TFEC: variants seen among roughly 807,000 people sequenced by gnomAD.
TFEC encodes class E basic helix-loop-helix protein 34.
In TFEC, 31 loss-of-function variants were observed where a neutral mutation model predicts 41.6. That is an observed-to-expected ratio of 0.74 (90% CI 0.56 to 1.01). The LOEUF (loss-of-function observed/expected upper bound fraction) is 1.01. Among genes scored for constraint, TFEC ranks in the 50% least tolerant of loss-of-function variants. The pLI is 0.00. For synonymous variants in TFEC, 143 were observed against 140.6 expected (o/e 1.02, Z -0.12); for missense variants, 402 against 404.1 (o/e 0.99, Z 0.04).
At chr7:116,072,512 G>C (rs1314770395) in intron 3 of TFEC, among the ~76,000 whole-genome samples, 1 of 151,590 alleles carries the variant, frequency 6.6e-6, no homozygotes, top group Admixed American at 6.6e-5. Flanking sequence ...ATTTATATCA[G>C]AACAGGAAGC....
At chr7:116,047,963 G>A (rs746936176) in intron 3 of TFEC, among the ~76,000 whole-genome samples, 12 of 152,236 alleles carry the variant, frequency 7.9e-5, no homozygotes, top group South Asian at 4.1e-4. Context: ...AAGGACATCC[G>A]CACCAAAACC....
chr7:116,034,137 C>G (rs1013066234), upstream of TFEC, among the ~76,000 whole-genome samples: 2 of 152,128 alleles, frequency 1.3e-5, no homozygotes, highest in Admixed American at 6.6e-5. Context: ...TCACCTATAT[C>G]ACTGAGTATT....
At chr7:116,131,439 G>A (rs1172068574) in intron 1 of TFEC, among the ~76,000 whole-genome samples, 1 of 151,942 alleles carries the variant, frequency 6.6e-6, no homozygotes, top group Non-Finnish European at 1.5e-5. Flanking sequence ...CTTTACCTTG[G>A]TCACAAAGAT....
chr7:115,941,508 A>G (rs1793496623), intron 7 of TFEC: 1 of 208,262 alleles, frequency 4.8e-6, no homozygotes, highest in Non-Finnish European at 9.5e-6. Context: ...TAATGTAGAG[A>G]AACAAATGTT....
At chr7:116,017,362 T>C (rs188893624) in intron 1 of TFEC, among the ~76,000 whole-genome samples, 6 of 152,118 alleles carry the variant, frequency 3.9e-5, no homozygotes, top group Admixed American at 3.9e-4. Context: ...GCTGGGACTA[T>C]AGGCACACAC....
At chr7:116,034,609 C>T (rs1411658992), upstream of TFEC, among the ~76,000 whole-genome samples, 1 of 151,696 alleles carries the variant, frequency 6.6e-6, no homozygotes, top group Non-Finnish European at 1.5e-5. Flanking sequence ...CATCTCTCAC[C>T]TGGATTGCCG....
intron 3 of TFEC, among the ~76,000 whole-genome samples, chr7:116,072,594 A>T (rs1179013902): frequency 6.6e-6 from 1 of 151,654 alleles, no homozygotes; most frequent in Non-Finnish European, 1.5e-5. Context: ...TTTCTTAAAG[A>T]TACATATTAT....
intron 6 of TFEC, among the ~76,000 whole-genome samples, chr7:115,950,221 AG>A (rs1791860369): frequency 6.6e-6 from 1 of 152,104 alleles, no homozygotes; most frequent in South Asian, 2.1e-4. Context: ...CATGTTGGCC[AG>A]GATGGTCTTA....
At chr7:116,086,962 G>C (rs562186861) in intron 3 of TFEC, among the ~76,000 whole-genome samples, 1 of 151,976 alleles carries the variant, frequency 6.6e-6, no homozygotes, top group South Asian at 2.1e-4. Context: ...TAAGTGAAGT[G>C]ACATCATTAG....
intron 3 of TFEC, among the ~76,000 whole-genome samples, chr7:116,096,829 C>T (rs573792203): frequency 2.0e-5 from 3 of 152,174 alleles, no homozygotes; most frequent in South Asian, 2.1e-4. Flanking sequence ...CTGTGGCTCA[C>T]GCCTGTAATC....
intron 3 of TFEC, among the ~76,000 whole-genome samples, chr7:115,969,721 A>T (rs866833292): frequency 2.6e-5 from 4 of 151,952 alleles, no homozygotes; most frequent in African/African-American, 9.7e-5. Context: ...TCTGTGAAGA[A>T]CAGCTGTAAG....
chr7:116,052,159 A>G (rs1796327402), intron 3 of TFEC, among the ~76,000 whole-genome samples: 1 of 151,798 alleles, frequency 6.6e-6, no homozygotes, highest in Admixed American at 6.6e-5. Context: ...TTCAGCGTAA[A>G]ACAAGGGGAG....
intron 3 of TFEC, among the ~76,000 whole-genome samples, chr7:116,056,215 C>T (rs1796426810): frequency 6.6e-6 from 1 of 151,750 alleles, no homozygotes; most frequent in Admixed American, 6.6e-5. Context: ...AAAAGGTAAG[C>T]TCGACAATTT....
chr7:116,065,070 A>G (rs1271510424), intron 3 of TFEC, among the ~76,000 whole-genome samples: 1 of 152,166 alleles, frequency 6.6e-6, no homozygotes, highest in African/African-American at 2.4e-5. Flanking sequence ...TCTCCAGAAT[A>G]CTCAGAACAC....
intron 3 of TFEC, among the ~76,000 whole-genome samples, chr7:116,056,164 T>A (rs1339273617): frequency 6.6e-6 from 1 of 150,934 alleles, no homozygotes; most frequent in East Asian, 1.9e-4. Context: ...CAAAAAAGAG[T>A]GATCCCCGAG....
intron 5 of TFEC, 90 bp from the exon 6 acceptor site, chr7:115,951,039 C>T (rs963853898): frequency 7.2e-6 from 5 of 696,160 alleles, no homozygotes; most frequent in Non-Finnish European, 1.1e-5. Flanking sequence ...CTTTTAAAAA[C>T]AATGGGAAAA....
At chr7:115,961,782 A>G (rs1160994417) in intron 3 of TFEC, among the ~76,000 whole-genome samples, 1 of 151,766 alleles carries the variant, frequency 6.6e-6, no homozygotes, top group African/African-American at 2.4e-5. Flanking sequence ...CACTACTTCT[A>G]TTCAACACAG....
At chr7:116,028,444 T>C (rs1036137665) in intron 1 of TFEC, among the ~76,000 whole-genome samples, 4 of 152,220 alleles carry the variant, frequency 2.6e-5, no homozygotes, top group African/African-American at 9.6e-5. Context: ...TCTCTCTTCG[T>C]AGGTTATGAC....
intron 1 of TFEC, among the ~76,000 whole-genome samples, chr7:116,114,505 C>T (rs1385891330): frequency 6.6e-6 from 1 of 151,968 alleles, no homozygotes; most frequent in Non-Finnish European, 1.5e-5. Flanking sequence ...CTAAAAGCAG[C>T]AATTCTCCTC....
Sources: allele counts gnomAD v4.1 joint callset (sites outside exome capture counted in the v4.1 genomes callset), GRCh38; gene constraint gnomAD v4.1.1; transcripts MANE v1.5; gene names NCBI Gene and HGNC (gene_info 2026-07-23, HGNC 2026-07-21).